The following GRID2 variants were observed in gnomAD, a reference collection of about 807,000 sequenced individuals.
The protein encoded by GRID2 is glutamate receptor ionotropic, delta-2.
GRID2 carries 33 observed loss-of-function variants against 114.8 expected under a neutral mutation model. The ratio of observed to expected loss-of-function variants is 0.29; its 90% confidence interval spans 0.22 to 0.38. The LOEUF is 0.38. Among genes scored for constraint, GRID2 ranks in the 10% least tolerant of loss-of-function variants. The probability of loss-of-function intolerance (pLI) is 1.00; values close to 1 mark genes in which losing one functional copy is unlikely to be tolerated. For missense variants in GRID2, 1,184 were observed against 1,257.7 expected (o/e 0.94, Z 0.89); for synonymous variants, 505 against 449.9 (o/e 1.12, Z -1.55).
intron 1 of GRID2, among the ~76,000 whole-genome samples, chr4:92,347,054 A>T (rs1727804467): frequency 6.6e-6 from 1 of 152,204 alleles, no homozygotes; most frequent in Non-Finnish European, 1.5e-5. Context: ...CACTGCCAAT[A>T]GCTTCAAGTT....
intron 1 of GRID2, among the ~76,000 whole-genome samples, chr4:92,574,882 G>A (rs533257922): frequency 6.6e-6 from 1 of 152,076 alleles, no homozygotes; most frequent in South Asian, 2.1e-4. Flanking sequence ...TGCTAGGTTG[G>A]GGAAGTTCTC....
intron 10 of GRID2, among the ~76,000 whole-genome samples, chr4:93,439,357 T>C (rs1580087886): frequency 1.3e-5 from 2 of 151,786 alleles, no homozygotes; most frequent in African/African-American, 4.8e-5. Context: ...CAGAGGAAAA[T>C]GAGCAGATGG....
At chr4:92,818,354 G>A (rs1403125685) in intron 2 of GRID2, among the ~76,000 whole-genome samples, 2 of 151,964 alleles carry the variant, frequency 1.3e-5, no homozygotes, top group African/African-American at 4.8e-5. Context: ...AGTGTCATTA[G>A]CTATTATCTT....
At chr4:93,494,540 T>G (rs1024668975) in intron 12 of GRID2, among the ~76,000 whole-genome samples, 30 of 151,858 alleles carry the variant, frequency 2.0e-4, no homozygotes, top group Non-Finnish European at 5.9e-5. Flanking sequence ...TAACTGGCAC[T>G]TGTTATTAAT....
intron 7 of GRID2, among the ~76,000 whole-genome samples, chr4:93,233,755 A>G (rs74680612): frequency 0.022 from 3,365 of 152,226 alleles, 131 homozygotes; most frequent in African/African-American, 0.076. Context: ...CAGAACACCA[A>G]TTAAGAGGCT....
At chr4:93,534,155 C>A (rs536873221) in intron 13 of GRID2, among the ~76,000 whole-genome samples, 1 of 152,240 alleles carries the variant, frequency 6.6e-6, no homozygotes, top group East Asian at 1.9e-4. Flanking sequence ...CTTTCCCTGA[C>A]TTCCCTATTT....
intron 3 of GRID2, among the ~76,000 whole-genome samples, chr4:93,092,902 A>G (rs943936420): frequency 6.6e-6 from 1 of 151,978 alleles, no homozygotes; most frequent in Non-Finnish European, 1.5e-5. Context: ...AGTATTGTAC[A>G]GAGCTATGAG....
chr4:92,328,862 A>C (rs1726730527), intron 1 of GRID2, among the ~76,000 whole-genome samples: 1 of 152,070 alleles, frequency 6.6e-6, no homozygotes, highest in African/African-American at 2.4e-5. Context: ...GTGTTTTCTC[A>C]ATATTAATTT....
chr4:93,393,520 G>A (rs537537124), intron 8 of GRID2, among the ~76,000 whole-genome samples: 1 of 152,008 alleles, frequency 6.6e-6, no homozygotes, highest in African/African-American at 2.4e-5. Context: ...TAGGTTAGAA[G>A]ATTAGATATA....
At chr4:92,464,715 A>G (rs925620638) in intron 1 of GRID2, among the ~76,000 whole-genome samples, 2 of 152,080 alleles carry the variant, frequency 1.3e-5, no homozygotes, top group African/African-American at 2.4e-5. Flanking sequence ...TAGAAATATA[A>G]GCACATAAAT....
intron 10 of GRID2, among the ~76,000 whole-genome samples, chr4:93,433,342 T>C (rs1268463807): frequency 1.3e-5 from 2 of 152,158 alleles, no homozygotes; most frequent in Admixed American, 6.6e-5. Flanking sequence ...AAGAAGATGC[T>C]ATTGTGAGGT....
chr4:93,500,584 C>T (rs1727996446), intron 12 of GRID2, among the ~76,000 whole-genome samples: 1 of 151,940 alleles, frequency 6.6e-6, no homozygotes, highest in Non-Finnish European at 1.5e-5. Context: ...TGAGGGTTGT[C>T]TTTTTGCCCT....
intron 1 of GRID2, among the ~76,000 whole-genome samples, chr4:92,365,806 C>T (rs1449896933): frequency 6.6e-6 from 1 of 151,892 alleles, no homozygotes; most frequent in East Asian, 1.9e-4. Context: ...AAATAATCAG[C>T]ATATAATAGT....
At chr4:92,627,565 C>T (rs748725382) in intron 2 of GRID2, among the ~76,000 whole-genome samples, 65 of 152,142 alleles carry the variant, frequency 4.3e-4, no homozygotes, top group Admixed American at 1.6e-3. Flanking sequence ...TTTTTGCTAA[C>T]TTCTTATATC....
chr4:92,342,252 C>A (rs1182475468), intron 1 of GRID2, among the ~76,000 whole-genome samples: 1 of 151,916 alleles, frequency 6.6e-6, no homozygotes, highest in African/African-American at 2.4e-5. Context: ...ACTTAACATC[C>A]AGTTGGAGAA....
intron 1 of GRID2, among the ~76,000 whole-genome samples, chr4:92,497,976 CT>C (rs1486257822): frequency 1.3e-5 from 2 of 151,340 alleles, no homozygotes; most frequent in Non-Finnish European, 3.0e-5. Context: ...TCACTATGTA[CT>C]AAAATTTAAA....
At chr4:92,700,358 T>C (rs139365200) in intron 2 of GRID2, among the ~76,000 whole-genome samples, 1 of 152,322 alleles carries the variant, frequency 6.6e-6, no homozygotes, top group African/African-American at 2.4e-5. Context: ...AATTCTCATC[T>C]TTAACCATGC....
intron 2 of GRID2, among the ~76,000 whole-genome samples, chr4:92,853,298 A>T (rs2149425414): frequency 6.6e-6 from 1 of 152,152 alleles, no homozygotes; most frequent in Non-Finnish European, 1.5e-5. Flanking sequence ...AGACAATGAA[A>T]CTCTAACATG....
chr4:93,497,697 CCT>C (rs1380137252), intron 12 of GRID2, among the ~76,000 whole-genome samples: 2 of 151,508 alleles, frequency 1.3e-5, no homozygotes, highest in Admixed American at 6.6e-5. Context: ...GTGTTCCTAC[CCT>C]GTTTCATTAA....
Sources: allele counts gnomAD v4.1 joint callset (sites outside exome capture counted in the v4.1 genomes callset), GRCh38; gene constraint gnomAD v4.1.1; transcripts MANE v1.5; gene names NCBI Gene and HGNC (gene_info 2026-07-23, HGNC 2026-07-21).